MAP2K5: variants seen among roughly 807,000 people sequenced by gnomAD.
MAP2K5 encodes the protein mitogen-activated protein kinase kinase 5, also known as dual specificity mitogen-activated protein kinase kinase 5.
A neutral mutation model predicts 83.1 loss-of-function variants in MAP2K5; 49 were observed. The observed-to-expected ratio is 0.59, with a 90% CI of 0.47 to 0.75. The LOEUF is 0.75. MAP2K5 is among the 30% of genes least tolerant of loss of function. MAP2K5 has a pLI of 0.00. For synonymous variants in MAP2K5, 202 were observed against 191.8 expected (o/e 1.05, Z -0.44); for missense variants, 457 against 557.5 (o/e 0.82, Z 1.82).
intron 19 of MAP2K5, among the ~76,000 whole-genome samples, chr15:67,754,882 T>C (rs1288943037): frequency 3.3e-5 from 5 of 152,192 alleles, no homozygotes; most frequent in Non-Finnish European, 7.3e-5. Context: ...GTTTGACATG[T>C]TGAAATCTGT....
rs751432489 is a variant in MAP2K5, at chr15:67,794,805, T to C, written c.1243-11841T>C. On this transcript the variant is annotated intron_variant, in intron 21 of 21. Coordinates refer to ENST00000178640, the MANE Select transcript of MAP2K5 (RefSeq NM_145160.3). The surrounding 1 kb of genome is among the most constrained non-coding windows in gnomAD (Gnocchi z 4.6). ...TGGCTCAGTCTTTGTGTAAATGGTT[T>C]GTTTCTCCCTGTTAAGGAACTAGAA... is the stretch of plus-strand genomic sequence containing the variant. Among the ~76,000 whole-genome samples the C allele has an allele frequency of 4.6e-5, 7 of 152,250 alleles. No homozygotes were observed. The highest frequency in any genetic ancestry group is 1.0e-4 in the Non-Finnish European group (7 of 68,044).
intron 2 of MAP2K5, among the ~76,000 whole-genome samples, chr15:67,550,603 C>G (rs1319081594): frequency 1.3e-5 from 2 of 151,998 alleles, no homozygotes; most frequent in Non-Finnish European, 2.9e-5. Flanking sequence ...GACCTGGGGA[C>G]TAGAAAACTG....
At chr15:67,590,410 CCTCTCTCCCTCCCTCCCTCT>C (rs1207345896) in intron 6 of MAP2K5, among the ~76,000 whole-genome samples, 3 of 90,640 alleles carry the variant, frequency 3.3e-5, no homozygotes, top group African/African-American at 7.5e-5. Flanking sequence ...TTCCTTCCTC[CCTCTCTCCCTCCCTCCCTCT>C]CTCTCTCCCT....
At chr15:67,699,319 G>A (rs111405646) in intron 15 of MAP2K5, among the ~76,000 whole-genome samples, 72 of 152,094 alleles carry the variant, frequency 4.7e-4, no homozygotes, top group African/African-American at 1.6e-3. Flanking sequence ...AAGCTTCAGG[G>A]CCCACCTAAG....
rs2089884116 is a variant in MAP2K5, at chr15:67,758,473, C to T, written c.1134+9872C>T. Reference sequence around the variant, plus strand: ...ATTCAAAACTATATTCATTCCTGCTCCAGATTCAATTATGAGTTTAACAAC... The same window carrying T: ...ATTCAAAACTATATTCATTCCTGCTTCAGATTCAATTATGAGTTTAACAAC... On this transcript the variant is annotated intron_variant, in intron 19 of 21. Transcript: ENST00000178640. The surrounding 1 kb of genome is among the most constrained non-coding windows in gnomAD (Gnocchi z 4.7). Among the ~76,000 whole-genome samples the T allele has an allele frequency of 6.6e-6, 1 of 151,984 alleles. No homozygotes were observed. The highest frequency in any genetic ancestry group is 2.1e-4 in the South Asian group (1 of 4,786).
At chr15:67,620,109 C>T (rs1398821215) in intron 8 of MAP2K5, among the ~76,000 whole-genome samples, 3 of 152,096 alleles carry the variant, frequency 2.0e-5, no homozygotes, top group Non-Finnish European at 4.4e-5. Flanking sequence ...CAGCGGCTAA[C>T]GCCTGTAATC....
chr15:67,679,328 G>T (rs1195695194), intron 13 of MAP2K5, among the ~76,000 whole-genome samples: 6 of 152,120 alleles, frequency 3.9e-5, no homozygotes, highest in Non-Finnish European at 7.4e-5. Context: ...GCAGTTATGG[G>T]TGGCAACATG....
At chr15:67,625,885 A>G (rs1055510578) in intron 8 of MAP2K5, among the ~76,000 whole-genome samples, 1 of 152,188 alleles carries the variant, frequency 6.6e-6, no homozygotes, top group South Asian at 2.1e-4. Flanking sequence ...AAAAGAGATC[A>G]GCTTTCTTGA....
intron 21 of MAP2K5, among the ~76,000 whole-genome samples, chr15:67,803,405 T>TTTGC (rs2141349572): frequency 6.6e-6 from 1 of 152,214 alleles, no homozygotes; most frequent in East Asian, 1.9e-4. Flanking sequence ...TCAGATTTTG[T>TTTGC]TTGCTTGCTA....
intron 4 of MAP2K5, among the ~76,000 whole-genome samples, chr15:67,582,253 G>T (rs757179589): frequency 2.6e-5 from 4 of 151,722 alleles, no homozygotes; most frequent in Admixed American, 6.6e-5. Context: ...GCAGAGACAG[G>T]GTTTTACCAT....
intron 3 of MAP2K5, among the ~76,000 whole-genome samples, chr15:67,569,239 T>C (rs1424562062): frequency 6.6e-6 from 1 of 152,214 alleles, no homozygotes; most frequent in African/African-American, 2.4e-5. Flanking sequence ...ACATATTAAA[T>C]AGGTTCTACT....
rs759074427 is a variant in MAP2K5 at position 67,708,190 on chromosome 15, G to A, written c.1044+4782G>A. On this transcript the variant is annotated intron_variant, in intron 16 of 21. Coordinates refer to ENST00000178640, the MANE Select transcript of MAP2K5 (RefSeq NM_145160.3). The surrounding 1 kb of genome is among the most constrained non-coding windows in gnomAD (Gnocchi z 4.9). ...TTTTTTCATTTAGCCAGGAATGGTG[G>A]TGTGTGCCTATAGTCCTTGCTATGT... Among the ~76,000 whole-genome samples the A allele has an allele frequency of 6.6e-6, 1 of 152,038 alleles. No homozygotes were observed. Among genetic ancestry groups the A allele is most frequent in the Non-Finnish European group, 1.5e-5 (1 of 68,006 alleles).
intron 11 of MAP2K5, 53 bp downstream of exon 11, chr15:67,646,522 C>A: frequency 1.0e-6 from 1 of 998,580 alleles, no homozygotes; most frequent in Non-Finnish European, 1.5e-6. Context: ...GTATATAGTG[C>A]TTTAAAACCT....
intron 3 of MAP2K5, among the ~76,000 whole-genome samples, chr15:67,570,703 A>G (rs1044096541): frequency 6.6e-6 from 1 of 152,242 alleles, no homozygotes; most frequent in Non-Finnish European, 1.5e-5. Context: ...TAGCCATTTG[A>G]TAGAGTTAAG....
Position 67,665,194 on chromosome 15 carries a change from T to C in MAP2K5, c.847+549T>C, listed in dbSNP as rs1296945819. 4.6e-5 allele frequency among the ~76,000 whole-genome samples: 7 copies of C among 152,150 alleles called. No homozygotes were observed. ...CCGCGCCTGGCCAAAAGTAAAACTT[T>C]AAATAAGTTATTGGTGAAAGCATCA... On this transcript the variant is annotated intron_variant, in intron 13 of 21. Coordinates refer to ENST00000178640, the MANE Select transcript of MAP2K5 (RefSeq NM_145160.3). This position sits in a 1 kb window ranked among gnomAD's most constrained non-coding sequence, Gnocchi z 4.2.
rs1428270512 is a variant in MAP2K5, at chr15:67,724,644, T to TA, written c.1045-3267dup. Reference sequence around the variant, plus strand: ...TTTACCTCCTCCCAATAGAACTTGATAAAAAGAGTTCTAGAGCCTGGCTAT... The same window carrying TA: ...TTTACCTCCTCCCAATAGAACTTGATAAAAAAGAGTTCTAGAGCCTGGCTAT... On this transcript the variant is annotated intron_variant, in intron 16 of 21. Transcript: ENST00000178640. The surrounding 1 kb of genome is among the most constrained non-coding windows in gnomAD (Gnocchi z 4.4). 6.6e-6 allele frequency among the ~76,000 whole-genome samples: 1 copy of TA among 152,176 alleles called. No homozygotes were observed. Among genetic ancestry groups the TA allele is most frequent in the African/African-American group, 2.4e-5 (1 of 41,450 alleles).
At position 67,719,376 on chromosome 15, in the gene MAP2K5, G is replaced by A. The variant is rs2088900509; in HGVS notation, c.1045-8540G>A. ...GTTGACCAGTCTCCAGGAGAGATCA[G>A]CATCAGGGGATATATCATAATCAAC... On this transcript the variant is annotated intron_variant, in intron 16 of 21. Transcript: ENST00000178640. This position sits in a 1 kb window ranked among gnomAD's most constrained non-coding sequence, Gnocchi z 4.6. Among the ~76,000 whole-genome samples the A allele has an allele frequency of 6.6e-6, 1 of 152,172 alleles. No individual in the cohort carries two copies. The highest frequency in any genetic ancestry group is 2.4e-5 in the African/African-American group (1 of 41,436).
rs1350657544 is a variant in MAP2K5, at chr15:67,555,764, G to A, written c.184+5682G>A. On this transcript the variant is annotated intron_variant, in intron 2 of 21. Transcript: ENST00000178640. The surrounding 1 kb of genome is among the most constrained non-coding windows in gnomAD (Gnocchi z 5.2). ...AATGAGCTTGAATATCTTCTCATTT[G>A]TATTTGGCTATTTGTATTTAATTTC... Among the ~76,000 whole-genome samples, 1 of 150,284 alleles carries A rather than the reference G, an allele frequency of 6.7e-6. No individual in the cohort carries two copies. The highest frequency in any genetic ancestry group is 2.4e-5 in the African/African-American group (1 of 40,862).
At chr15:67,688,121 G>A (rs1263485740) in intron 13 of MAP2K5, among the ~76,000 whole-genome samples, 4 of 152,238 alleles carry the variant, frequency 2.6e-5, no homozygotes, top group Non-Finnish European at 4.4e-5. Context: ...ATTTGTGGAA[G>A]CATAGTAGTA....
Sources: gnomAD v4.1 joint callset for allele counts (sites outside exome capture counted in the v4.1 genomes callset) on GRCh38, gnomAD v4.1.1 for gene constraint, Gnocchi (gnomAD v3.1) non-coding constraint, MANE v1.5 for transcripts, NCBI Gene and HGNC (gene_info 2026-07-23, HGNC 2026-07-21) for gene names.